Variants in ATRNL1 observed in about 807,000 individuals in gnomAD.
ATRNL1 encodes attractin like 1.
ATRNL1 carries 95 observed loss-of-function variants against 182.7 expected under a neutral mutation model. The ratio of observed to expected loss-of-function variants is 0.52; its 90% CI spans 0.44 to 0.62. ATRNL1 has a LOEUF of 0.62. Ranked by LOEUF, ATRNL1 falls within the 20% of genes least tolerant of loss-of-function variation. The pLI, the probability that ATRNL1 is intolerant of heterozygous loss-of-function variation, is 0.00. For synonymous variants in ATRNL1, 576 were observed against 568.3 expected, an observed-to-expected ratio of 1.01 and a Z score of -0.19; for missense variants, 1,471 against 1,679.5, an observed-to-expected ratio of 0.88 and a Z score of 2.17.
intron 13 of ATRNL1, among the ~76,000 whole-genome samples, chr10:115,272,161 C>A (rs1851896429): frequency 6.6e-6 from 1 of 152,200 alleles, no homozygotes; most frequent in South Asian, 2.1e-4. Flanking sequence ...GTAAAGCTTG[C>A]AGAACTGTGA....
intron 19 of ATRNL1, 143 bp from the exon 20 acceptor site, chr10:115,394,516 T>C (rs1445504730): frequency 1.6e-6 from 1 of 624,556 alleles, no homozygotes; most frequent in Non-Finnish European, 2.7e-6. Context: ...TTAAAAATAA[T>C]TTATACTATC....
At chr10:115,119,308 T>C (rs1380577780) in intron 1 of ATRNL1, among the ~76,000 whole-genome samples, 2 of 152,094 alleles carry the variant, frequency 1.3e-5, no homozygotes, top group African/African-American at 4.8e-5. Context: ...AAATTTAATT[T>C]TATCTAAAAG....
rs535490915 is a variant in ATRNL1, at chr10:115,732,133, TA to T, written c.3903+4786del. Among the ~76,000 whole-genome samples, 6 of 152,120 alleles carry T rather than the reference TA, an allele frequency of 3.9e-5. No homozygotes were observed. The South Asian group carries it at 8.3e-4, about 21-fold the overall frequency. On this transcript the variant is annotated intron_variant, in intron 27 of 28. Transcript: ENST00000355044. ...AATGATGCCACTGTGAACATTTGTG[TA>T]AAAAAAATTGTATAAACATGTTTAC...
chr10:115,880,704 T>G (rs1232642409), intron 28 of ATRNL1, among the ~76,000 whole-genome samples: 1 of 152,206 alleles, frequency 6.6e-6, no homozygotes, highest in Non-Finnish European at 1.5e-5. Context: ...TTGTAGAACA[T>G]CTAGGCCAAT....
intron 26 of ATRNL1, among the ~76,000 whole-genome samples, chr10:115,726,741 T>G (rs138746780): frequency 8.3e-4 from 127 of 152,346 alleles, no homozygotes; most frequent in Non-Finnish European, 1.3e-3. Context: ...TCCATAGCAG[T>G]TCACAGGGGA....
At chr10:115,579,270 C>T (rs1592885542) in intron 26 of ATRNL1, among the ~76,000 whole-genome samples, 1 of 151,684 alleles carries the variant, frequency 6.6e-6, no homozygotes, top group Non-Finnish European at 1.5e-5. Context: ...GATGATCTAT[C>T]CATTATTGAA....
chr10:115,777,354 A>C (rs116547707), intron 27 of ATRNL1, among the ~76,000 whole-genome samples: 6,399 of 152,174 alleles, frequency 0.042, 376 homozygotes, highest in African/African-American at 0.13. Context: ...TTCCTTGAAA[A>C]ATTCTTCTAA....
intron 5 of ATRNL1, among the ~76,000 whole-genome samples, chr10:115,140,292 T>C (rs1554877728): frequency 6.6e-6 from 1 of 152,050 alleles, no homozygotes; most frequent in African/African-American, 2.4e-5. Flanking sequence ...AATAAAGGAT[T>C]CTCCCAAACA....
At chr10:115,100,560 AT>A (rs1484848552) in intron 1 of ATRNL1, among the ~76,000 whole-genome samples, 1 of 152,114 alleles carries the variant, frequency 6.6e-6, no homozygotes, top group African/African-American at 2.4e-5. Flanking sequence ...GAAACCATTC[AT>A]ATATTTGTGT....
chr10:115,474,491 A>G (rs1279565698), intron 24 of ATRNL1, among the ~76,000 whole-genome samples: 1 of 151,220 alleles, frequency 6.6e-6, no homozygotes, highest in Non-Finnish European at 1.5e-5. Flanking sequence ...ATCTCTCATA[A>G]GATTTGGGAA....
chr10:115,191,707 A>G (rs1554889870), intron 8 of ATRNL1, among the ~76,000 whole-genome samples: 1 of 151,886 alleles, frequency 6.6e-6, no homozygotes, highest in Non-Finnish European at 1.5e-5. Flanking sequence ...TCCTGTGTTC[A>G]TTATCCTCCC....
chr10:115,656,724 T>A (rs1482368940), intron 26 of ATRNL1, among the ~76,000 whole-genome samples: 7 of 152,178 alleles, frequency 4.6e-5, no homozygotes, highest in Non-Finnish European at 1.0e-4. Context: ...TAGGAGAGTG[T>A]TCACTGACCC....
intron 21 of ATRNL1, among the ~76,000 whole-genome samples, chr10:115,445,636 G>A (rs1846941575): frequency 6.6e-6 from 1 of 150,720 alleles, no homozygotes; most frequent in African/African-American, 2.4e-5. Context: ...AACCATAAAA[G>A]TCACCATTTT....
intron 8 of ATRNL1, among the ~76,000 whole-genome samples, chr10:115,204,293 C>T (rs1428197004): frequency 6.6e-6 from 1 of 151,720 alleles, no homozygotes; most frequent in African/African-American, 2.4e-5. Flanking sequence ...TTTTCTTTTG[C>T]CTAATTCCTC....
chr10:115,455,020 A>G (rs1847454666), intron 21 of ATRNL1, among the ~76,000 whole-genome samples: 1 of 152,118 alleles, frequency 6.6e-6, no homozygotes, highest in Non-Finnish European at 1.5e-5. Context: ...TGCATATGGT[A>G]TTAGCTGTGG....
chr10:115,410,328 C>CTTTT (rs531844397), intron 20 of ATRNL1, among the ~76,000 whole-genome samples: 1 of 142,778 alleles, frequency 7.0e-6, no homozygotes, highest in African/African-American at 2.5e-5. Context: ...AAAATTGCTA[C>CTTTT]TTTTTTTTTT....
At chr10:115,150,207 T>G (rs998403097) in intron 5 of ATRNL1, among the ~76,000 whole-genome samples, 1 of 151,942 alleles carries the variant, frequency 6.6e-6, no homozygotes, top group Non-Finnish European at 1.5e-5. Context: ...TTTACATTTC[T>G]GATTTTGTTG....
intron 26 of ATRNL1, among the ~76,000 whole-genome samples, chr10:115,719,941 C>A (rs1947372011): frequency 6.8e-6 from 1 of 146,430 alleles, no homozygotes; most frequent in South Asian, 2.2e-4. Flanking sequence ...CTCACTGTAT[C>A]CTCTGCCTCT....
chr10:115,487,904 A>G (rs922503758), intron 24 of ATRNL1, among the ~76,000 whole-genome samples: 4 of 150,802 alleles, frequency 2.7e-5, no homozygotes, highest in Non-Finnish European at 6.0e-5. Flanking sequence ...GATATGTTTC[A>G]TCCTAGTTTA....
Sources: allele counts gnomAD v4.1 joint callset (sites outside exome capture counted in the v4.1 genomes callset), GRCh38; gene constraint gnomAD v4.1.1; transcripts MANE v1.5; gene names NCBI Gene and HGNC (gene_info 2026-07-23, HGNC 2026-07-21).